Variants in KCNK2 observed in about 807,000 individuals in gnomAD.
KCNK2 encodes potassium two pore domain channel subfamily K member 2.
A neutral mutation model predicts 40.5 loss-of-function variants in KCNK2; 21 were observed. The observed-to-expected ratio is 0.52, with a 90% CI of 0.37 to 0.75. KCNK2 has a LOEUF of 0.75. KCNK2 is among the 30% of genes least tolerant of loss of function. The pLI is 0.00. For synonymous variants in KCNK2, 191 were observed against 202.2 expected (o/e 0.94, Z 0.47); for missense variants, 399 against 531.6 (o/e 0.75, Z 2.45).
intron 1 of KCNK2, among the ~76,000 whole-genome samples, chr1:215,069,543 C>T (rs1379442138): frequency 6.6e-6 from 1 of 152,300 alleles, no homozygotes; most frequent in Non-Finnish European, 1.5e-5. Context: ...TGGTTCAGTG[C>T]TGACAGTGGT....
intron 1 of KCNK2, among the ~76,000 whole-genome samples, chr1:215,020,167 A>G (rs968484821): frequency 6.6e-6 from 1 of 152,102 alleles, no homozygotes; most frequent in African/African-American, 2.4e-5. Flanking sequence ...GATGTTTTCA[A>G]TGGGAGCATT....
intron 2 of KCNK2, among the ~76,000 whole-genome samples, chr1:215,121,287 TTTTA>T (rs1164437632): frequency 1.3e-5 from 2 of 152,150 alleles, no homozygotes; most frequent in African/African-American, 2.4e-5. Context: ...ATCCAAGTTA[TTTTA>T]TTTATTTATT....
intron 2 of KCNK2, among the ~76,000 whole-genome samples, chr1:215,120,028 C>T (rs775870028): frequency 2.0e-5 from 3 of 152,118 alleles, no homozygotes; most frequent in South Asian, 2.1e-4. Flanking sequence ...AGAGAAAAGA[C>T]CTCATGGTAG....
chr1:215,160,348 A>C (rs534524029), intron 3 of KCNK2, among the ~76,000 whole-genome samples: 28 of 152,234 alleles, frequency 1.8e-4, no homozygotes, highest in Non-Finnish European at 4.0e-4. Flanking sequence ...AAAGTGGGAA[A>C]ATATTAACAT....
intron 5 of KCNK2, among the ~76,000 whole-genome samples, chr1:215,178,994 G>T (rs545338351): frequency 1.4e-5 from 1 of 73,038 alleles, no homozygotes; most frequent in African/African-American, 5.5e-5. Context: ...CCTTTGGTTG[G>T]TAGATTTTTT....
At chr1:215,139,487 A>T (rs564839087) in intron 3 of KCNK2, among the ~76,000 whole-genome samples, 6 of 152,148 alleles carry the variant, frequency 3.9e-5, no homozygotes, top group African/African-American at 7.2e-5. Context: ...GTATTTTTTA[A>T]AAAAATATAT....
At chr1:215,059,318 A>G (rs1204848206) in intron 1 of KCNK2, among the ~76,000 whole-genome samples, 1 of 152,114 alleles carries the variant, frequency 6.6e-6, no homozygotes, top group African/African-American at 2.4e-5. Flanking sequence ...ACGCTGCTGA[A>G]TTAATGATTT....
intron 1 of KCNK2, among the ~76,000 whole-genome samples, chr1:215,040,583 G>C (rs542809836): frequency 5.3e-5 from 8 of 152,148 alleles, no homozygotes; most frequent in Non-Finnish European, 2.9e-5. Context: ...TCCAGTTAAC[G>C]GAAGTATCTG....
At chr1:215,082,587 C>G (rs1206943981), upstream of KCNK2, among the ~76,000 whole-genome samples, 1 of 151,970 alleles carries the variant, frequency 6.6e-6, no homozygotes, top group Non-Finnish European at 1.5e-5. Context: ...GTTGTGCCCC[C>G]AGGAAGAGGG....
chr1:215,167,761 T>C (rs1320769340), intron 3 of KCNK2, among the ~76,000 whole-genome samples: 3 of 152,116 alleles, frequency 2.0e-5, no homozygotes, highest in Non-Finnish European at 4.4e-5. Context: ...TCTCAGTGTG[T>C]TCTGAATGAT....
chr1:215,046,647 T>A (rs1350921421), intron 1 of KCNK2, among the ~76,000 whole-genome samples: 1 of 152,118 alleles, frequency 6.6e-6, no homozygotes, highest in Non-Finnish European at 1.5e-5. Context: ...TTTTAAAATC[T>A]GTATTACTTT....
At chr1:215,233,163 C>T (rs1571760707) in intron 6 of KCNK2, among the ~76,000 whole-genome samples, 1 of 152,106 alleles carries the variant, frequency 6.6e-6, no homozygotes, top group Non-Finnish European at 1.5e-5. Context: ...AGCAAGCTTC[C>T]CCTAAGTTGC....
At chr1:215,105,964 G>A (rs1660422840) in intron 2 of KCNK2, among the ~76,000 whole-genome samples, 1 of 152,054 alleles carries the variant, frequency 6.6e-6, no homozygotes, top group African/African-American at 2.4e-5. Context: ...TGGTGTATAT[G>A]TACCACATTT....
chr1:215,231,650 C>T lies in KCNK2; in HGVS notation c.964-3178C>T, dbSNP rs559437441. Among the ~76,000 whole-genome samples the T allele has an allele frequency of 5.6e-4, 85 of 152,166 alleles. 1 individual carries two copies. The highest frequency in any genetic ancestry group is 1.0e-3 in the Non-Finnish European group (70 of 68,010). ...GGTTTAGATCCAGCACATTATTCTGCCTCTCCAGTAAAATCAGACAGAAAA... is the reference window on the plus strand; with the variant it reads ...GGTTTAGATCCAGCACATTATTCTGTCTCTCCAGTAAAATCAGACAGAAAA... On this transcript the variant is annotated intron_variant, in intron 6 of 6. Coordinates refer to ENST00000444842, the MANE Select transcript of KCNK2 (RefSeq NM_001017425.3).
intron 3 of KCNK2, among the ~76,000 whole-genome samples, chr1:215,135,072 C>T (rs1661842571): frequency 6.6e-6 from 1 of 152,132 alleles, no homozygotes; most frequent in South Asian, 2.1e-4. Flanking sequence ...AGACTGCAGA[C>T]ATGACCTCCT....
chr1:215,009,972 T>C (rs1558055191), intron 1 of KCNK2, among the ~76,000 whole-genome samples: 1 of 152,200 alleles, frequency 6.6e-6, no homozygotes, highest in Non-Finnish European at 1.5e-5. Context: ...TAACATGGAC[T>C]TGGACAACTG....
At chr1:215,096,037 T>A (rs1248916156) in intron 2 of KCNK2, among the ~76,000 whole-genome samples, 1 of 152,106 alleles carries the variant, frequency 6.6e-6, no homozygotes, top group Non-Finnish European at 1.5e-5. Flanking sequence ...TAAATTCACG[T>A]GCTACCTGTT....
chr1:215,168,999 T>A (rs570234694), intron 3 of KCNK2, among the ~76,000 whole-genome samples, 200 bp from the exon 4 acceptor site: 5 of 152,156 alleles, frequency 3.3e-5, no homozygotes, highest in African/African-American at 1.2e-4. Flanking sequence ...TTAACTATAC[T>A]TTGTATATTT....
chr1:215,121,776 T>C (rs1661199135), intron 2 of KCNK2, among the ~76,000 whole-genome samples: 1 of 152,242 alleles, frequency 6.6e-6, no homozygotes, highest in African/African-American at 2.4e-5. Flanking sequence ...TATAAAATTG[T>C]AAAATTGTTT....
Sources: allele counts gnomAD v4.1 joint callset (sites outside exome capture counted in the v4.1 genomes callset), GRCh38; gene constraint gnomAD v4.1.1; transcripts MANE v1.5; gene names NCBI Gene and HGNC (gene_info 2026-07-23, HGNC 2026-07-21).